SUMO2: variants seen among roughly 807,000 people sequenced by gnomAD.
The protein encoded by SUMO2 is small ubiquitin like modifier 2.
Under a neutral mutation model 16.0 loss-of-function variants are expected in SUMO2, and 1 was observed. That is an observed-to-expected ratio of 0.06 (90% CI 0.02 to 0.30). The LOEUF is 0.30. Ranked by LOEUF, SUMO2 falls within the 10% of genes least tolerant of loss-of-function variation. The pLI is 1.00. For missense variants in SUMO2, 16 were observed against 117.5 expected (o/e 0.14, Z 3.99); for synonymous variants, 36 against 40.6 (o/e 0.89, Z 0.43).
rs59613076 is a variant in SUMO2 at position 75,177,988 on chromosome 17, C to CAAAAAAAAAAAA, written c.153+3057_153+3068dup. Among the ~76,000 whole-genome samples, 114 of 66,412 alleles carry CAAAAAAAAAAAA rather than the reference C, an allele frequency of 1.7e-3. 7 individuals carry two copies. The highest frequency in any genetic ancestry group is 7.0e-3 in the African/African-American group (103 of 14,798). The allele number at this position is 66,412 out of a possible 152,430, so 43.6% of individuals were successfully genotyped here. On this transcript the variant is annotated intron_variant, in intron 2 of 3. Coordinates refer to ENST00000420826, the MANE Select transcript of SUMO2 (RefSeq NM_006937.4). ...TGACCGACAAAGCGAGACTCCGTCTCAAAAAAAAAAAAAAAAAAAAAAAGA... is the reference window on the plus strand; with the variant it reads ...TGACCGACAAAGCGAGACTCCGTCTCAAAAAAAAAAAAAAAAAAAAAAAAAAAAAAAAAAAGA...
chr17:75,172,718 G>A (rs932793877), intron 3 of SUMO2, among the ~76,000 whole-genome samples: 10 of 151,574 alleles, frequency 6.6e-5, no homozygotes, highest in African/African-American at 9.7e-5. Context: ...CAGGTGATCC[G>A]CCCACCTCGG....
chr17:75,177,157 CGA>C (rs1598226172), intron 2 of SUMO2, among the ~76,000 whole-genome samples: 1 of 146,258 alleles, frequency 6.8e-6, no homozygotes, highest in Non-Finnish European at 1.5e-5. Context: ...ATTGCAAGAG[CGA>C]GACTCTTGTC....
At chr17:75,175,850 C>A (rs145504504) in intron 2 of SUMO2, among the ~76,000 whole-genome samples, 5,370 of 152,050 alleles carry the variant, frequency 0.035, 141 homozygotes, top group Non-Finnish European at 0.053. Context: ...CCAGACTGAT[C>A]TCGAACTCCT....
chr17:75,165,646 A>AG lies in SUMO2; in HGVS notation c.*2692dup, dbSNP rs2074686833. 6.7e-6 allele frequency: 1 copy of AG among 149,588 alleles called. No homozygotes were observed. Among genetic ancestry groups the AG allele is most frequent in the African/African-American group, 2.5e-5 (1 of 40,564 alleles). 9.3% of individuals were successfully genotyped at this position (149,588 alleles called of 1,614,324 possible). ...TCAGTATGGACAAAAACAATCAACA[A>AG]GCATTAGGATACTATCTCTAGTCCC... On this transcript the variant is annotated 3_prime_UTR_variant, in exon 4 of 4. Coordinates refer to ENST00000420826, the MANE Select transcript of SUMO2 (RefSeq NM_006937.4).
chr17:75,173,476 CATTTTTTTTTTTTTTT>C (rs2074757802), intron 3 of SUMO2, among the ~76,000 whole-genome samples: 1 of 141,098 alleles, frequency 7.1e-6, no homozygotes, highest in Admixed American at 7.2e-5. Context: ...GACTGGAAGT[CATTTTTTTTTTTTTTT>C]GAGAGAGGGC....
chr17:75,181,473 G>T (rs1188566831), intron 1 of SUMO2, among the ~76,000 whole-genome samples: 3 of 152,088 alleles, frequency 2.0e-5, no homozygotes, highest in Admixed American at 6.6e-5. Flanking sequence ...ACGTTCTCTT[G>T]AAGTTAAACT....
intron 2 of SUMO2, among the ~76,000 whole-genome samples, chr17:75,179,659 GTTT>G (rs560336347): frequency 2.8e-5 from 4 of 141,614 alleles, no homozygotes; most frequent in Non-Finnish European, 6.2e-5. Context: ...ACATTCTAAA[GTTT>G]TTTTTTTTTT....
intron 3 of SUMO2, among the ~76,000 whole-genome samples, chr17:75,168,836 C>T (rs1445958170): frequency 1.3e-5 from 2 of 152,024 alleles, no homozygotes; most frequent in Non-Finnish European, 2.9e-5. Context: ...AACTCCTGAG[C>T]TCAAGTGATC....
chr17:75,179,346 T>A (rs2074808501), intron 2 of SUMO2, among the ~76,000 whole-genome samples: 1 of 152,064 alleles, frequency 6.6e-6, no homozygotes, highest in African/African-American at 2.4e-5. Flanking sequence ...CTGACCAATA[T>A]GGTGAAACCC....
At chr17:75,182,661 G>A (rs896613271) in intron 1 of SUMO2, 153 bp downstream of exon 1, 1 of 526,324 alleles carries the variant, frequency 1.9e-6, no homozygotes, top group Non-Finnish European at 2.8e-6. Flanking sequence ...AGGGAGGGAG[G>A]AAAATGGCGC....
intron 3 of SUMO2, among the ~76,000 whole-genome samples, chr17:75,174,143 A>G (rs1443862711): frequency 2.0e-5 from 3 of 152,212 alleles, no homozygotes; most frequent in Admixed American, 2.0e-4. Flanking sequence ...CAATCCCAAC[A>G]CTTTGGGAGG....
rs147775393 is a variant in SUMO2, at chr17:75,166,861, T to C, written c.*1478A>G. On this transcript the variant is annotated 3_prime_UTR_variant, in exon 4 of 4. Coordinates refer to ENST00000420826, the MANE Select transcript of SUMO2 (RefSeq NM_006937.4). ...AGGCGGAGCTTGCAGTGAGCCAAGATTGTGCCACTGCACTACAGCCTGGGA... is the reference window on the plus strand; with the variant it reads ...AGGCGGAGCTTGCAGTGAGCCAAGACTGTGCCACTGCACTACAGCCTGGGA... 52 of 152,038 alleles carry C rather than the reference T, an allele frequency of 3.4e-4. 1 individual carries two copies. The highest frequency in any genetic ancestry group is 1.2e-3 in the African/African-American group (51 of 41,422). The allele number at this position is 152,038 out of a possible 1,614,324, so 9.4% of individuals were successfully genotyped here. A position where few individuals can be genotyped will look rare whatever the true frequency, so the allele number is the denominator to read the frequency against.
intron 3 of SUMO2, among the ~76,000 whole-genome samples, chr17:75,173,148 AAT>A (rs963611613): frequency 6.6e-6 from 1 of 152,166 alleles, no homozygotes; most frequent in African/African-American, 2.4e-5. Context: ...AACATTGTAA[AAT>A]ATGTTTCAGA....
Position 75,180,269 on chromosome 17 carries a change from GCACCAC to G in SUMO2, c.153+782_153+787del, listed in dbSNP as rs1224824720. Among the ~76,000 whole-genome samples the G allele has an allele frequency of 1.5e-4, 23 of 151,510 alleles. 1 individual carries two copies. In the East Asian group the frequency reaches 4.3e-3, roughly 28 times the overall value. ...GCAGAGGTTGCAGTGAGCCAAGATT[GCACCAC>G]TGCACTCCAGCCTGGGCAACAGAGC... On this transcript the variant is annotated intron_variant, in intron 2 of 3. Transcript: ENST00000420826.
chr17:75,182,803 G>A lies in SUMO2; in HGVS notation c.21+11C>T, dbSNP rs559601536. 1.2e-5 allele frequency: 17 copies of A among 1,383,614 alleles called. 1 individual carries two copies. Among genetic ancestry groups the A allele is most frequent in the African/African-American group, 1.0e-4 (7 of 66,926 alleles). The allele number at this position is 1,383,614 out of a possible 1,614,324, so 85.7% of individuals were successfully genotyped here. A position where few individuals can be genotyped will look rare whatever the true frequency, so the allele number is the denominator to read the frequency against. Reference sequence around the variant, plus strand: ...CGCGCGGCGAGGCGAAGGGGCCGGCGGCGAGCTCACCTTGGGCTTTTCGTC... The same window carrying A: ...CGCGCGGCGAGGCGAAGGGGCCGGCAGCGAGCTCACCTTGGGCTTTTCGTC... On this transcript the variant is annotated intron_variant, in intron 1 of 3. Transcript: ENST00000420826.
At chr17:75,172,390 GCTGA>G (rs2074748255) in intron 3 of SUMO2, among the ~76,000 whole-genome samples, 1 of 144,988 alleles carries the variant, frequency 6.9e-6, no homozygotes, top group African/African-American at 2.6e-5. Flanking sequence ...CACTATCTCT[GCTGA>G]CTTTAATCTC....
chr17:75,168,785 A>G (rs2074712600), intron 3 of SUMO2, among the ~76,000 whole-genome samples: 1 of 151,944 alleles, frequency 6.6e-6, no homozygotes, highest in African/African-American at 2.4e-5. Flanking sequence ...TTGTATTTTT[A>G]GTAGAGATGG....
At chr17:75,182,578 C>G (rs1381227594) in intron 1 of SUMO2, 2 of 299,986 alleles carry the variant, frequency 6.7e-6, no homozygotes, top group African/African-American at 2.2e-5. Flanking sequence ...AACTCGCGCC[C>G]GGCGCGCACT....
intron 1 of SUMO2, among the ~76,000 whole-genome samples, chr17:75,181,605 G>A (rs975035246): frequency 3.9e-5 from 6 of 151,996 alleles, no homozygotes; most frequent in African/African-American, 1.4e-4. Flanking sequence ...TAAATCTACA[G>A]CCTGCCATTC....
Sources: allele counts gnomAD v4.1 joint callset (sites outside exome capture counted in the v4.1 genomes callset), GRCh38; gene constraint gnomAD v4.1.1; transcripts MANE v1.5; gene names NCBI Gene and HGNC (gene_info 2026-07-23, HGNC 2026-07-21).